Variants in ELN observed in about 807,000 individuals in gnomAD.
ELN encodes the protein elastin.
Under a neutral mutation model 105.8 loss-of-function variants are expected in ELN, and 65 were observed. The observed-to-expected ratio is 0.61, with a 90% confidence interval of 0.50 to 0.75. The LOEUF (loss-of-function observed/expected upper bound fraction) is 0.75, where lower values mean the gene tolerates loss of function less well. Ranked by LOEUF, ELN falls within the 30% of genes least tolerant of loss-of-function variation. The pLI is 0.00. For synonymous variants in ELN, 368 were observed against 389.2 expected (o/e 0.95, Z 0.64); for missense variants, 882 against 969.4 (o/e 0.91, Z 1.20).
intron 15 of ELN, among the ~76,000 whole-genome samples, chr7:74,051,317 G>A (rs1267118006): frequency 2.0e-5 from 3 of 152,220 alleles, no homozygotes; most frequent in Admixed American, 6.5e-5. Flanking sequence ...CGGCTGGTGG[G>A]GACGGCTGCA....
In ELN at chr7:74,065,592, C is replaced by T. The variant is rs149934293; in HGVS notation, c.1994-102C>T. On this transcript the variant is annotated intron_variant, in intron 29 of 32. Transcript: ENST00000252034. Reference sequence around the variant, plus strand: ...TCGCGCCACTGCACTCCAGCCCAGGCGAAGGAGTGAGACTCTGCCTCAAGA... The same window carrying T: ...TCGCGCCACTGCACTCCAGCCCAGGTGAAGGAGTGAGACTCTGCCTCAAGA... 11,642 of 1,391,784 alleles carry T rather than the reference C, an allele frequency of 8.4e-3. 57 individuals carry two copies. Among genetic ancestry groups the T allele is most frequent in the Admixed American group, 0.012 (591 of 50,654 alleles). 86.2% of individuals were successfully genotyped at this position (1,391,784 alleles called of 1,614,324 possible). A position where few individuals can be genotyped will look rare whatever the true frequency, so the allele number is the denominator to read the frequency against.
At chr7:74,041,151 G>A (rs782666556) in intron 4 of ELN, 65 bp from the exon 5 acceptor site, 61 of 1,610,102 alleles carry the variant, frequency 3.8e-5, no homozygotes, top group Non-Finnish European at 5.0e-5. Flanking sequence ...CTAACTCCAG[G>A]AGACATTTCC....
At chr7:74,030,836 C>G (rs1396012199) in intron 1 of ELN, among the ~76,000 whole-genome samples, 1 of 152,116 alleles carries the variant, frequency 6.6e-6, no homozygotes, top group Non-Finnish European at 1.5e-5. Context: ...TTCAGGCTTC[C>G]CAGGTGACGG....
chr7:74,042,659 C>G lies in ELN; in HGVS notation c.278C>G (p.Pro93Arg), dbSNP rs181019457. ...PAVTFPGALV[P>R]GGVADAAAAY... ...GTTACCTTTCCGGGGGCTCTGGTGCCTGGTGGAGTGGCTGACGCTGCTGCA... is the reference window on the plus strand; with the variant it reads ...GTTACCTTTCCGGGGGCTCTGGTGCGTGGTGGAGTGGCTGACGCTGCTGCA... The change falls in exon 6 of 33, where the codon CCT (proline) becomes CGT (arginine). Residue 93 changes from proline to arginine, a missense_variant. Coordinates refer to ENST00000252034, the MANE Select transcript of ELN (RefSeq NM_000501.4). 10 of 1,613,560 alleles carry G rather than the reference C, an allele frequency of 6.2e-6. No individual in the cohort carries two copies. The highest frequency in any genetic ancestry group is 8.5e-6 in the Non-Finnish European group (10 of 1,180,022).
Position 74,068,945 on chromosome 7 carries a change from C to G in ELN, c.*245C>G. On this transcript the variant is annotated 3_prime_UTR_variant, in exon 33 of 33. Coordinates refer to ENST00000252034, the MANE Select transcript of ELN (RefSeq NM_000501.4). ...TGTGGTCCTGGCCCCCCACCCCATCCCTTCCCACCTAGGAGCTCCCCCTCC... is the reference window on the plus strand; with the variant it reads ...TGTGGTCCTGGCCCCCCACCCCATCGCTTCCCACCTAGGAGCTCCCCCTCC... 2 of 568,234 alleles carry G rather than the reference C, an allele frequency of 3.5e-6. No individual in the cohort carries two copies. The highest frequency in any genetic ancestry group is 6.3e-6 in the Non-Finnish European group (2 of 315,254). The allele number at this position is 568,234 out of a possible 1,614,324, so 35.2% of individuals were successfully genotyped here.
chr7:74,056,625 C>T (rs1384142556), intron 20 of ELN, 47 bp from the exon 21 acceptor site: 1 of 1,613,396 alleles, frequency 6.2e-7, no homozygotes, highest in Non-Finnish European at 8.5e-7. Context: ...TCGGAGGAGA[C>T]CCAGGCACGG....
intron 1 of ELN, among the ~76,000 whole-genome samples, chr7:74,030,352 T>C (rs1413107631): frequency 6.6e-6 from 1 of 151,308 alleles, no homozygotes; most frequent in Non-Finnish European, 1.5e-5. Context: ...GTTGCGGGGG[T>C]GGGGGAGCAG....
chr7:74,056,539 T>C, intron 20 of ELN, 104 bp downstream of exon 20: 2 of 1,602,398 alleles, frequency 1.2e-6, no homozygotes, highest in Non-Finnish European at 1.7e-6. Flanking sequence ...GGCTTGAATG[T>C]GCTCAGGGAG....
At position 74,063,063 on chromosome 7, in the gene ELN, C is replaced by T; in HGVS notation, c.1787-90C>T. 1 of 1,490,458 alleles carries T rather than the reference C, an allele frequency of 6.7e-7. No homozygotes were observed. The highest frequency in any genetic ancestry group is 9.1e-7 in the Non-Finnish European group (1 of 1,096,058). The allele number at this position is 1,490,458 out of a possible 1,614,324, so 92.3% of individuals were successfully genotyped here. A position where few individuals can be genotyped will look rare whatever the true frequency, so the allele number is the denominator to read the frequency against. On this transcript the variant is annotated intron_variant, in intron 26 of 32. Coordinates refer to ENST00000252034, the MANE Select transcript of ELN (RefSeq NM_000501.4). The surrounding 1 kb of genome is among the most constrained non-coding windows in gnomAD (Gnocchi z 4.1). ...TGCTCCTCCACAGTGTCACATGGCC[C>T]CTGCCACCTGTCTGCTTGCCTTGTG...
chr7:74,056,803 A>G, intron 21 of ELN, 90 bp downstream of exon 21: 4 of 1,575,544 alleles, frequency 2.5e-6, no homozygotes, highest in Non-Finnish European at 3.5e-6. Flanking sequence ...CCAGGCCTCC[A>G]GGACTGAAAT....
At position 74,043,033 on chromosome 7, in the gene ELN, A is replaced by C; in HGVS notation, c.375A>C (p.Ala125=). The change falls in exon 7 of 33, where the codon GCA becomes GCC. Residue 125 remains alanine (A), a splice_region_variant and synonymous_variant. Transcript: ENST00000252034. ...GAGTTGGTGGCTTAGGAGTGTCTGCAGGTACGATGGCTATCCCCGAACTCC... is the reference window on the plus strand; with the variant it reads ...GAGTTGGTGGCTTAGGAGTGTCTGCCGGTACGATGGCTATCCCCGAACTCC... ...VPGVGGLGVS[A]GAVVPQPGAG... is the part of the protein sequence containing the mutation. 1.2e-6 allele frequency: 2 copies of C among 1,614,100 alleles called. No individual in the cohort carries two copies. Among genetic ancestry groups the C allele is most frequent in the South Asian group, 2.2e-5 (2 of 91,074 alleles).
In ELN at chr7:74,053,276, C is replaced by G. The variant is rs782505248; in HGVS notation, c.1063C>G (p.Pro355Ala). Residue 355 changes from proline to alanine, a missense_variant, in exon 18 of 33, where the codon CCA becomes GCA. Transcript: ENST00000252034. ...CCCAGGAGCTGGGATTCCAGTTGTCCCAGGTGCTGGGATCCCAGGTGCTGC... is the reference window on the plus strand; with the variant it reads ...CCCAGGAGCTGGGATTCCAGTTGTCGCAGGTGCTGGGATCCCAGGTGCTGC... ...GVPGAGIPVV[P>A]GAGIPGAAVP... is the part of the protein sequence containing the mutation. 5.6e-6 allele frequency: 9 copies of G among 1,612,958 alleles called. No individual in the cohort carries two copies. The Admixed American group carries it at 1.5e-4, about 27-fold the overall frequency.
At chr7:74,068,479 G>T (rs570875255) in intron 32 of ELN, among the ~76,000 whole-genome samples, 178 bp from the exon 33 acceptor site, 3 of 152,198 alleles carry the variant, frequency 2.0e-5, no homozygotes, top group Non-Finnish European at 4.4e-5. Flanking sequence ...GGCTTCTCCC[G>T]CCCCATCTGT....
In ELN at chr7:74,053,320, CTGTGTGTGTGTG is replaced by C. The variant is rs10579871; in HGVS notation, c.1096+39_1096+50del. 54 of 1,562,744 alleles carry C rather than the reference CTGTGTGTGTGTG, an allele frequency of 3.5e-5. No homozygotes were observed. Among genetic ancestry groups the C allele is most frequent in the South Asian group, 1.7e-4 (15 of 86,894 alleles). The stretch of plus-strand genomic sequence containing the variant: ...GTGCTGCGGTTCCAGGTGAGCTGGG[CTGTGTGTGTGTG>C]TGTGTGTGTGTGTGTGTGTGTGTGT... On this transcript the variant is annotated intron_variant, in intron 18 of 32. Transcript: ENST00000252034.
In ELN at chr7:74,037,888, C is replaced by T. The variant is rs1398027904; in HGVS notation, c.196+149C>T. 13 of 1,222,318 alleles carry T rather than the reference C, an allele frequency of 1.1e-5. No individual in the cohort carries two copies. In the African/African-American group the frequency reaches 2.0e-4, roughly 18 times the overall value. 75.7% of individuals were successfully genotyped at this position (1,222,318 alleles called of 1,614,324 possible). A position where few individuals can be genotyped will look rare whatever the true frequency, so the allele number is the denominator to read the frequency against. ...GGAGGGAGGTGTGGACACCGATTAGCCTCCCAAGGATGAGTAGGCCGGGGC... is the reference window on the plus strand; with the variant it reads ...GGAGGGAGGTGTGGACACCGATTAGTCTCCCAAGGATGAGTAGGCCGGGGC... On this transcript the variant is annotated intron_variant, in intron 4 of 32. Transcript: ENST00000252034.
chr7:74,042,512 T>A, intron 5 of ELN, 102 bp from the exon 6 acceptor site: 1 of 968,258 alleles, frequency 1.0e-6, no homozygotes, highest in South Asian at 1.4e-5. Context: ...CGGAAGAGCC[T>A]CCAATGTGCT....
chr7:74,055,092 AGG>A, intron 19 of ELN, among the ~76,000 whole-genome samples: 1 of 152,348 alleles, frequency 6.6e-6, no homozygotes, highest in East Asian at 1.9e-4. Context: ...CATCCAACAA[AGG>A]GGGTCTTCCC....
At position 74,048,524 on chromosome 7, in the gene ELN, C is replaced by T. The variant is rs782285456; in HGVS notation, c.767C>T (p.Ala256Val). Reference protein sequence around the residue: ...TGTGVGPQAAAAAAAKAAAKF... With the variant: ...TGTGVGPQAAVAAAAKAAAKF... ...CCAGGGGTTGGCCCCCAGGCAGCAGCAGCAGCGGCAGCTAAAGCAGCAGCA... is the reference window on the plus strand; with the variant it reads ...CCAGGGGTTGGCCCCCAGGCAGCAGTAGCAGCGGCAGCTAAAGCAGCAGCA... The change falls in exon 15 of 33, where the codon GCA (alanine) becomes GTA (valine). Residue 256 changes from alanine to valine, a missense_variant. Transcript: ENST00000252034. The T allele has an allele frequency of 1.1e-5, 18 of 1,613,890 alleles. No individual in the cohort carries two copies. The Admixed American group carries it at 1.7e-4, about 15-fold the overall frequency.
At chr7:74,052,643 A>G (rs1473075777) in intron 17 of ELN, 1 of 160,508 alleles carries the variant, frequency 6.2e-6, no homozygotes, top group Non-Finnish European at 1.3e-5. Context: ...GGAAGGAAAG[A>G]AGGAAGGAAG....
Sources: gnomAD v4.1 joint callset for allele counts (sites outside exome capture counted in the v4.1 genomes callset) on GRCh38, gnomAD v4.1.1 for gene constraint, Gnocchi (gnomAD v3.1) non-coding constraint, MANE v1.5 for transcripts, NCBI Gene and HGNC (gene_info 2026-07-23, HGNC 2026-07-21) for gene names.